TBCEL: variants seen among roughly 807,000 people sequenced by gnomAD.
TBCEL encodes tubulin folding cofactor E like.
TBCEL carries 15 observed loss-of-function variants against 44.2 expected under a neutral mutation model. That is an observed-to-expected ratio of 0.34 (90% confidence interval 0.23 to 0.52). TBCEL has a LOEUF of 0.52. Among genes scored for constraint, TBCEL ranks in the 20% least tolerant of loss-of-function variants. The pLI is 0.95. For synonymous variants in TBCEL, 171 were observed against 185.4 expected, an observed-to-expected ratio of 0.92 and a Z score of 0.63; for missense variants, 319 against 506.3, an observed-to-expected ratio of 0.63 and a Z score of 3.55.
At chr11:121,057,227 G>C (rs1485507006) in intron 6 of TBCEL, among the ~76,000 whole-genome samples, 1 of 151,770 alleles carries the variant, frequency 6.6e-6, no homozygotes, top group East Asian at 1.9e-4. Context: ...TTGCTCCTCT[G>C]TCTTTACCCT....
At chr11:121,081,627 G>A (rs888523234) in intron 8 of TBCEL, among the ~76,000 whole-genome samples, 2 of 152,144 alleles carry the variant, frequency 1.3e-5, no homozygotes, top group Admixed American at 6.5e-5. Flanking sequence ...CAGTTTGGAT[G>A]GACTTTTGCA....
chr11:121,072,414 A>G (rs1301634200), intron 8 of TBCEL, among the ~76,000 whole-genome samples: 1 of 152,200 alleles, frequency 6.6e-6, no homozygotes, highest in African/African-American at 2.4e-5. Flanking sequence ...CACTGTTCAG[A>G]ACTGATGATA....
rs1946234892 is a variant in TBCEL, at chr11:121,087,378, G to C, written c.*282G>C. The C allele has an allele frequency of 5.2e-6, 2 of 385,654 alleles. No homozygotes were observed. Among genetic ancestry groups the C allele is most frequent in the Non-Finnish European group, 9.5e-6 (2 of 211,236 alleles). The allele number at this position is 385,654 out of a possible 1,614,324, so 23.9% of individuals were successfully genotyped here. A position where few individuals can be genotyped will look rare whatever the true frequency, so the allele number is the denominator to read the frequency against. ...AAAGAAATCACCGACTTCTTACTGT[G>C]TTCACTGGGATTTGCCTGCCACTTG... is the stretch of plus-strand genomic sequence containing the variant. On this transcript the variant is annotated 3_prime_UTR_variant, in exon 9 of 9. Transcript: ENST00000683345.
At chr11:121,082,992 C>T (rs1052318729) in intron 8 of TBCEL, among the ~76,000 whole-genome samples, 4 of 152,212 alleles carry the variant, frequency 2.6e-5, no homozygotes, top group Non-Finnish European at 5.9e-5. Context: ...AAACTGTTTC[C>T]ACACTCTATC....
At chr11:121,065,183 G>T (rs1485889152) in intron 8 of TBCEL, among the ~76,000 whole-genome samples, 1 of 152,084 alleles carries the variant, frequency 6.6e-6, no homozygotes, top group Admixed American at 6.6e-5. Context: ...CAATTATTTT[G>T]GTGTTTTGTA....
chr11:121,064,655 G>A (rs1050120844), intron 8 of TBCEL, among the ~76,000 whole-genome samples: 1 of 152,032 alleles, frequency 6.6e-6, no homozygotes, highest in Non-Finnish European at 1.5e-5. Context: ...CTGCATCCCT[G>A]ACCTGTAAAG....
chr11:121,047,404 T>A, intron 3 of TBCEL, 124 bp from the exon 4 acceptor site: 1 of 1,194,808 alleles, frequency 8.4e-7, no homozygotes. Context: ...TATCCTGTAT[T>A]TTCTAGATCC....
chr11:121,064,380 C>T (rs1945779809), intron 8 of TBCEL, among the ~76,000 whole-genome samples: 1 of 152,184 alleles, frequency 6.6e-6, no homozygotes, highest in South Asian at 2.1e-4. Context: ...TTTCTGTTTC[C>T]TTTTAGGGAA....
intron 4 of TBCEL, among the ~76,000 whole-genome samples, chr11:121,052,014 T>G (rs1945537640): frequency 6.6e-6 from 1 of 151,810 alleles, no homozygotes; most frequent in Non-Finnish European, 1.5e-5. Context: ...AGAAAGATAT[T>G]CAGGTTGCAA....
intron 1 of TBCEL, among the ~76,000 whole-genome samples, chr11:121,026,949 T>C (rs1360569104): frequency 6.6e-6 from 1 of 152,222 alleles, no homozygotes; most frequent in African/African-American, 2.4e-5. Context: ...CTTAGACTCT[T>C]AAGCCTGTCC....
chr11:121,061,923 T>C (rs1286626258), intron 8 of TBCEL, among the ~76,000 whole-genome samples: 28 of 152,272 alleles, frequency 1.8e-4, no homozygotes. Context: ...AGTTTAACTT[T>C]TTTACTTTAT....
chr11:121,058,488 G>A lies in TBCEL; in HGVS notation c.839+17G>A, dbSNP rs3758891. ...AATAGCCAGGTCTGTTGTCCTGATC[G>A]TTTTGCTTTATTTTTGTGAGGCCTT... On this transcript the variant is annotated intron_variant, in intron 7 of 8. Transcript: ENST00000683345. 275,770 of 1,609,260 alleles carry A rather than the reference G, an allele frequency of 0.17. 24,636 individuals are homozygous for A. The highest frequency in any genetic ancestry group is 0.32 in the East Asian group (14,124 of 44,728).
At chr11:121,060,543 A>T (rs1041925657) in intron 8 of TBCEL, among the ~76,000 whole-genome samples, 4 of 151,998 alleles carry the variant, frequency 2.6e-5, no homozygotes, top group African/African-American at 9.7e-5. Flanking sequence ...TAGACTCTTG[A>T]GGAAATATTA....
intron 4 of TBCEL, among the ~76,000 whole-genome samples, chr11:121,052,230 A>T (rs1945541375): frequency 6.6e-6 from 1 of 151,862 alleles, no homozygotes; most frequent in African/African-American, 2.4e-5. Context: ...TCCACTATGC[A>T]GTAGTGAAGT....
intron 8 of TBCEL, among the ~76,000 whole-genome samples, chr11:121,072,407 T>G (rs1054863307): frequency 2.6e-5 from 4 of 152,214 alleles, no homozygotes; most frequent in Non-Finnish European, 5.9e-5. Flanking sequence ...TTGTTCACAC[T>G]GTTCAGAACT....
chr11:121,035,781 A>G (rs1255267431), intron 1 of TBCEL: 1 of 152,218 alleles, frequency 6.6e-6, no homozygotes, highest in East Asian at 1.9e-4. Context: ...AACCTAATGT[A>G]TTCAAGAAAA....
chr11:121,060,619 T>C (rs1945704774), intron 8 of TBCEL, among the ~76,000 whole-genome samples: 1 of 151,912 alleles, frequency 6.6e-6, no homozygotes, highest in Non-Finnish European at 1.5e-5. Flanking sequence ...TCTTTAAGTA[T>C]ATGAAGAGTT....
chr11:121,024,176 GC>G lies in TBCEL; in HGVS notation c.-240del, dbSNP rs1250074649. ...CTAGGTGAAGCGGCGCCGGGCCGGG[GC>G]TGGCCGGGACCAGGCCCGAGGCTGA... On this transcript the variant is annotated 5_prime_UTR_variant, in exon 1 of 9. Transcript: ENST00000683345. 2 of 153,332 alleles carry G rather than the reference GC, an allele frequency of 1.3e-5. No individual in the cohort carries two copies. The highest frequency in any genetic ancestry group is 4.8e-5 in the African/African-American group (2 of 41,478). The allele number at this position is 153,332 out of a possible 1,614,324, so 9.5% of individuals were successfully genotyped here.
At chr11:121,037,119 T>A (rs1380629034) in intron 2 of TBCEL, among the ~76,000 whole-genome samples, 2 of 152,158 alleles carry the variant, frequency 1.3e-5, no homozygotes, top group African/African-American at 4.8e-5. Context: ...GAAAGGTTGA[T>A]GTGCCACATT....
Sources: gnomAD v4.1 joint callset for allele counts (sites outside exome capture counted in the v4.1 genomes callset) on GRCh38, gnomAD v4.1.1 for gene constraint, MANE v1.5 for transcripts, NCBI Gene and HGNC (gene_info 2026-07-23, HGNC 2026-07-21) for gene names.